Variants in ANO1 observed in about 807,000 individuals in gnomAD.
ANO1 encodes the protein anoctamin 1, also known as anoctamin-1.
In ANO1, 59 loss-of-function variants were observed where a neutral mutation model predicts 124.0. The observed-to-expected ratio is 0.48, with a 90% confidence interval of 0.39 to 0.59. ANO1 has a LOEUF of 0.59. Among genes scored for constraint, ANO1 ranks in the 20% least tolerant of loss-of-function variants. ANO1 has a pLI of 0.00. For missense variants in ANO1, 1,059 were observed against 1,328.0 expected (o/e 0.80, Z 3.15); for synonymous variants, 529 against 532.0 (o/e 0.99, Z 0.08).
intron 1 of ANO1, among the ~76,000 whole-genome samples, chr11:70,047,306 C>T (rs1857276706): frequency 6.6e-6 from 1 of 152,036 alleles, no homozygotes; most frequent in Non-Finnish European, 1.5e-5. Flanking sequence ...AAGCTCTCTA[C>T]TATCATCTTA....
At chr11:70,073,272 G>A (rs1377454450) in intron 1 of ANO1, among the ~76,000 whole-genome samples, 2 of 152,184 alleles carry the variant, frequency 1.3e-5, no homozygotes, top group Non-Finnish European at 2.9e-5. Context: ...TGGGGAGGAA[G>A]GCTGAACCTC....
At chr11:70,079,730 G>C (rs2044147858) in intron 1 of ANO1, among the ~76,000 whole-genome samples, 1 of 152,246 alleles carries the variant, frequency 6.6e-6, no homozygotes, top group Non-Finnish European at 1.5e-5. Flanking sequence ...AGCAGGATGA[G>C]GATGGCCCTG....
intron 1 of ANO1, among the ~76,000 whole-genome samples, chr11:70,079,052 G>A (rs888104577): frequency 1.3e-5 from 2 of 152,138 alleles, no homozygotes; most frequent in African/African-American, 4.8e-5. Flanking sequence ...AAGAGCTCAC[G>A]GCTGGCGCCC....
At chr11:69,971,936 C>T in the ANO1 span, among the ~76,000 whole-genome samples, 4 of 152,112 alleles carry the variant, frequency 2.6e-5, 1 homozygote, top group South Asian at 8.3e-4. Context: ...AAAGTGAAAG[C>T]GAGGCTGGGC....
intron 1 of ANO1, among the ~76,000 whole-genome samples, chr11:70,062,659 G>A (rs1323427948): frequency 6.6e-6 from 1 of 152,160 alleles, no homozygotes; most frequent in Non-Finnish European, 1.5e-5. Flanking sequence ...GGGGGTTCTG[G>A]CATCACCGTC....
At chr11:70,118,322 C>CT (rs2046078912) in intron 8 of ANO1, among the ~76,000 whole-genome samples, 1 of 152,080 alleles carries the variant, frequency 6.6e-6, no homozygotes, top group Non-Finnish European at 1.5e-5. Flanking sequence ...TTGAGAAATA[C>CT]CTACTGGGCA....
intron 1 of ANO1, among the ~76,000 whole-genome samples, chr11:69,999,875 A>G (rs536843868): frequency 1.3e-5 from 2 of 152,112 alleles, no homozygotes; most frequent in African/African-American, 2.4e-5. Context: ...GGGCTATCAC[A>G]TGGCCACCCT....
At chr11:69,986,427 G>T (rs1034650108) in intron 1 of ANO1, among the ~76,000 whole-genome samples, 1 of 152,084 alleles carries the variant, frequency 6.6e-6, no homozygotes, top group African/African-American at 2.4e-5. Flanking sequence ...CCGGGGCTGG[G>T]CTGGGGCTGG....
intron 1 of ANO1, among the ~76,000 whole-genome samples, chr11:70,019,141 G>T (rs372506097): frequency 6.6e-6 from 1 of 152,108 alleles, no homozygotes; most frequent in South Asian, 2.1e-4. Flanking sequence ...CCTGTTCTGA[G>T]CCAGACCTAA....
intron 25 of ANO1, 40 bp from the exon 26 acceptor site, chr11:70,187,698 C>T (rs768001379): frequency 1.4e-5 from 22 of 1,575,204 alleles, no homozygotes; most frequent in South Asian, 9.4e-5. Flanking sequence ...CTTCCCCAGG[C>T]GCCATCCTCC....
At chr11:70,130,538 C>T (rs943645462) in intron 10 of ANO1, among the ~76,000 whole-genome samples, 31 of 152,232 alleles carry the variant, frequency 2.0e-4, no homozygotes, top group Non-Finnish European at 3.2e-4. Flanking sequence ...TGAGGTGGAA[C>T]ATCTGTGCCT....
chr11:70,130,246 G>T (rs2046696187), intron 10 of ANO1, among the ~76,000 whole-genome samples: 1 of 152,184 alleles, frequency 6.6e-6, no homozygotes, highest in Non-Finnish European at 1.5e-5. Context: ...ACCTTATTCT[G>T]ACCCCTCCTC....
chr11:70,074,278 A>T (rs949535976), upstream of ANO1, among the ~76,000 whole-genome samples: 1 of 152,156 alleles, frequency 6.6e-6, no homozygotes, highest in East Asian at 1.9e-4. Flanking sequence ...AACCCCTCTG[A>T]ATGCAGAGAT....
chr11:70,145,019 G>C (rs1430767288), intron 11 of ANO1, among the ~76,000 whole-genome samples: 1 of 152,214 alleles, frequency 6.6e-6, no homozygotes, highest in Non-Finnish European at 1.5e-5. Flanking sequence ...TGAGGTGGTT[G>C]GCACATTGGC....
At chr11:69,979,786 A>G in the ANO1 span, among the ~76,000 whole-genome samples, 1 of 152,208 alleles carries the variant, frequency 6.6e-6, no homozygotes, top group Non-Finnish European at 1.5e-5. Flanking sequence ...CTTGGCCAAC[A>G]GGAGAATTGC....
At chr11:70,109,388 A>C (rs7119316) in intron 6 of ANO1, among the ~76,000 whole-genome samples, 125,082 of 152,040 alleles carry the variant, frequency 0.82, 51,977 homozygotes, top group East Asian at 0.91. Flanking sequence ...GCTTGGCCCC[A>C]GACCATATGG....
intron 12 of ANO1, among the ~76,000 whole-genome samples, chr11:70,152,058 C>G (rs10898819): frequency 6.6e-6 from 1 of 151,970 alleles, no homozygotes; most frequent in Non-Finnish European, 1.5e-5. Flanking sequence ...TCTTTAGGAC[C>G]GGGCGCGGTG....
chr11:70,093,680 C>T (rs1175652146), intron 2 of ANO1, among the ~76,000 whole-genome samples: 1 of 152,254 alleles, frequency 6.6e-6, no homozygotes, highest in Non-Finnish European at 1.5e-5. Context: ...ACCCCACTGG[C>T]TCGCCGCTGG....
At chr11:70,012,680 C>T (rs562272357) in intron 1 of ANO1, among the ~76,000 whole-genome samples, 6 of 151,362 alleles carry the variant, frequency 4.0e-5, no homozygotes, top group Non-Finnish European at 5.9e-5. Flanking sequence ...TCCATCTATC[C>T]GTCCTTTCCT....
Sources: allele counts gnomAD v4.1 joint callset (sites outside exome capture counted in the v4.1 genomes callset), GRCh38; gene constraint gnomAD v4.1.1; transcripts MANE v1.5; gene names NCBI Gene and HGNC (gene_info 2026-07-23, HGNC 2026-07-21).